Variants in DSCAML1 observed in about 807,000 individuals in gnomAD.
DSCAML1 encodes DS cell adhesion molecule like 1.
Under a neutral mutation model 200.5 loss-of-function variants are expected in DSCAML1, and 38 were observed. The observed-to-expected ratio is 0.19, with a 90% CI of 0.15 to 0.25. The LOEUF (loss-of-function observed/expected upper bound fraction) is 0.25. Among genes scored for constraint, DSCAML1 ranks in the 10% least tolerant of loss-of-function variants. DSCAML1 has a pLI of 1.00. For synonymous variants in DSCAML1, 1,215 were observed against 1,165.0 expected, an observed-to-expected ratio of 1.04 and a Z score of -0.87; for missense variants, 2,223 against 2,858.8, an observed-to-expected ratio of 0.78 and a Z score of 5.07.
At chr11:117,627,677 G>A (rs978566669) in intron 3 of DSCAML1, among the ~76,000 whole-genome samples, 34 of 152,070 alleles carry the variant, frequency 2.2e-4, no homozygotes, top group African/African-American at 7.7e-4. Context: ...CCTGCGCCAG[G>A]CACTTTGTAT....
intron 3 of DSCAML1, among the ~76,000 whole-genome samples, chr11:117,714,809 T>A (rs2053918905): frequency 3.2e-5 from 3 of 93,442 alleles, no homozygotes; most frequent in South Asian, 3.9e-4. Context: ...GAGACAAGAG[T>A]GAAACTTCAT....
intron 3 of DSCAML1, among the ~76,000 whole-genome samples, chr11:117,709,926 C>T (rs2053817523): frequency 6.6e-6 from 1 of 152,172 alleles, no homozygotes; most frequent in African/African-American, 2.4e-5. Flanking sequence ...CTGCCTCCAG[C>T]CAGGACCTCC....
chr11:117,636,588 G>A (rs2052289209), intron 3 of DSCAML1, among the ~76,000 whole-genome samples: 1 of 152,152 alleles, frequency 6.6e-6, no homozygotes, highest in African/African-American at 2.4e-5. Flanking sequence ...GGAAGGGAGG[G>A]ACGGAGCAGG....
chr11:117,551,489 G>A lies in DSCAML1; in HGVS notation c.512-18967C>T, dbSNP rs149210192. On this transcript the variant is annotated intron_variant, in intron 3 of 32. Coordinates refer to ENST00000651296, the MANE Select transcript of DSCAML1 (RefSeq NM_020693.4). ...CCAGAGCTCAGCCCTCTCCCCCACCGTGCCTGACTCTCCCTGCCTGCACCC... is the reference window on the plus strand; with the variant it reads ...CCAGAGCTCAGCCCTCTCCCCCACCATGCCTGACTCTCCCTGCCTGCACCC... Among the ~76,000 whole-genome samples the A allele has an allele frequency of 1.6e-4, 24 of 152,256 alleles. 1 individual carries two copies. The East Asian group carries it at 4.1e-3, about 26-fold the overall frequency.
upstream of DSCAML1, among the ~76,000 whole-genome samples, chr11:117,800,566 AT>A (rs1300853515): frequency 6.6e-6 from 1 of 152,208 alleles, no homozygotes; most frequent in Non-Finnish European, 1.5e-5. Flanking sequence ...CATATGCTCC[AT>A]TTTTTTAAGC....
At chr11:117,694,298 G>T (rs2053549302) in intron 3 of DSCAML1, among the ~76,000 whole-genome samples, 1 of 151,696 alleles carries the variant, frequency 6.6e-6, no homozygotes, top group Non-Finnish European at 1.5e-5. Flanking sequence ...AGCTACTTGG[G>T]AGGCTGAGGC....
upstream of DSCAML1, among the ~76,000 whole-genome samples, chr11:117,799,591 G>A (rs1354225594): frequency 6.6e-6 from 1 of 152,214 alleles, no homozygotes; most frequent in Non-Finnish European, 1.5e-5. Flanking sequence ...GTGGTCAGTT[G>A]GGGAGAGCAG....
At chr11:117,637,535 C>T (rs931325772) in intron 3 of DSCAML1, among the ~76,000 whole-genome samples, 3 of 152,070 alleles carry the variant, frequency 2.0e-5, no homozygotes, top group East Asian at 1.9e-4. Context: ...TTAGTAGAGA[C>T]GGGGTTTCAC....
At chr11:117,541,030 C>T (rs1178249929) in intron 3 of DSCAML1, among the ~76,000 whole-genome samples, 7 of 152,214 alleles carry the variant, frequency 4.6e-5, no homozygotes, top group Non-Finnish European at 7.3e-5. Context: ...TAGAAGTTCA[C>T]GGCTTAAGGA....
At chr11:117,770,074 G>A (rs1056032479) in intron 3 of DSCAML1, among the ~76,000 whole-genome samples, 4 of 152,156 alleles carry the variant, frequency 2.6e-5, no homozygotes, top group African/African-American at 7.2e-5. Context: ...CCTGGTCACA[G>A]ACTCCAGGGC....
In DSCAML1 at chr11:117,516,496, A is replaced by G; in HGVS notation, c.1754T>C (p.Ile585Thr). Reference protein sequence around the residue: ...CSVLIQPQLSISQSVHVAVKV... With the variant: ...CSVLIQPQLSTSQSVHVAVKV... The stretch of plus-strand genomic sequence containing the variant: ...GACGGCTACGTGAACGCTCTGGCTG[A>G]TGGAGAGCTGGGGCTGGATGAGGAC... The change falls in exon 8 of 33, where the codon ATC (isoleucine) becomes ACC (threonine). Residue 585 changes from isoleucine to threonine, a missense_variant. Physicochemically the swap from Ile to Thr is moderately conservative, Grantham distance 89. Coordinates refer to ENST00000651296, the MANE Select transcript of DSCAML1 (RefSeq NM_020693.4). This position sits in a 1 kb window ranked among gnomAD's most constrained non-coding sequence, Gnocchi z 5.7. 6.2e-7 allele frequency: 1 copy of G among 1,613,864 alleles called. No individual in the cohort carries two copies. Among genetic ancestry groups the G allele is most frequent in the Non-Finnish European group, 8.5e-7 (1 of 1,179,968 alleles).
At position 117,780,302 on chromosome 11, in the gene DSCAML1, A is replaced by AAGAAAGAAAG. The variant is rs1565281029; in HGVS notation, c.364+190_364+191insCTTTCTTTCT. The stretch of plus-strand genomic sequence containing the variant: ...AAAGAAAGAAAGAAAGAAAGAAAGA[A>AAGAAAGAAAG]AGAGAGAAAGGAGAAAGAAAGGTGT... On this transcript the variant is annotated intron_variant, in intron 2 of 32. Transcript: ENST00000651296. The surrounding 1 kb of genome is among the most constrained non-coding windows in gnomAD (Gnocchi z 4.8). Among the ~76,000 whole-genome samples, 3 of 115,124 alleles carry AAGAAAGAAAG rather than the reference A, an allele frequency of 2.6e-5. No homozygotes were observed. The highest frequency in any genetic ancestry group is 3.7e-5 in the Non-Finnish European group (2 of 54,190). The allele number at this position is 115,124 out of a possible 152,430, so 75.5% of individuals were successfully genotyped here.
At chr11:117,474,818 G>A (rs560121628) in intron 14 of DSCAML1, among the ~76,000 whole-genome samples, 3 of 150,610 alleles carry the variant, frequency 2.0e-5, no homozygotes, top group African/African-American at 4.9e-5. Flanking sequence ...GCAGTGGCGC[G>A]ATCTCGGCTT....
At chr11:117,486,531 G>A (rs962644562) in intron 11 of DSCAML1, among the ~76,000 whole-genome samples, 1 of 152,230 alleles carries the variant, frequency 6.6e-6, no homozygotes, top group African/African-American at 2.4e-5. Context: ...GGAAAGCAGA[G>A]ACCTGGTGCA....
intron 3 of DSCAML1, among the ~76,000 whole-genome samples, chr11:117,586,608 G>A (rs1032598750): frequency 6.6e-6 from 1 of 152,226 alleles, no homozygotes. Context: ...CTAGACAGGA[G>A]GCGGGAAGCA....
chr11:117,439,213 C>A, intron 23 of DSCAML1, 53 bp downstream of exon 23: 1 of 1,598,556 alleles, frequency 6.3e-7, no homozygotes. Flanking sequence ...GGAATCCCTA[C>A]CCTTTCTCCA....
At position 117,760,924 on chromosome 11, in the gene DSCAML1, G is replaced by A. The variant is rs912159406; in HGVS notation, c.511+15867C>T. Among the ~76,000 whole-genome samples the A allele has an allele frequency of 3.3e-5, 5 of 152,258 alleles. No homozygotes were observed. The East Asian group carries it at 7.7e-4, about 23-fold the overall frequency. Reference sequence around the variant, plus strand: ...CATAACACTATTTAGAGACAGAGCCGGAAGTAGAAACCCCATGCCCTTTTC... The same window carrying A: ...CATAACACTATTTAGAGACAGAGCCAGAAGTAGAAACCCCATGCCCTTTTC... On this transcript the variant is annotated intron_variant, in intron 3 of 32. Transcript: ENST00000651296.
chr11:117,490,164 C>T (rs1379828296), intron 11 of DSCAML1, among the ~76,000 whole-genome samples: 2 of 152,136 alleles, frequency 1.3e-5, no homozygotes, highest in African/African-American at 4.8e-5. Flanking sequence ...CCCCTTGCTC[C>T]AGGGCTCTTT....
chr11:117,523,121 G>A (rs758435789), intron 5 of DSCAML1, among the ~76,000 whole-genome samples: 5 of 152,120 alleles, frequency 3.3e-5, no homozygotes, highest in East Asian at 3.9e-4. Flanking sequence ...TTGGGGAGGC[G>A]GGCAGGTGCA....
Sources: allele counts gnomAD v4.1 joint callset (sites outside exome capture counted in the v4.1 genomes callset), GRCh38; gene constraint gnomAD v4.1.1; non-coding constraint Gnocchi (gnomAD v3.1); transcripts MANE v1.5; gene names NCBI Gene and HGNC (gene_info 2026-07-23, HGNC 2026-07-21).